PPP6C: variants seen among roughly 807,000 people sequenced by gnomAD.
PPP6C encodes serine/threonine-protein phosphatase 6 catalytic subunit.
In PPP6C, 11 loss-of-function variants were observed where a neutral mutation model predicts 39.8. That is an observed-to-expected ratio of 0.28 (90% CI 0.17 to 0.46). The LOEUF is 0.46. Among genes scored for constraint, PPP6C ranks in the 20% least tolerant of loss-of-function variants. The pLI is 1.00. For missense variants in PPP6C, 211 were observed against 373.9 expected (o/e 0.56, Z 3.59); for synonymous variants, 129 against 130.3 (o/e 0.99, Z 0.07).
chr9:125,182,115 T>C (rs1404916490), intron 1 of PPP6C, among the ~76,000 whole-genome samples: 2 of 152,246 alleles, frequency 1.3e-5, no homozygotes, highest in East Asian at 1.9e-4. Flanking sequence ...AAGGGGTTCA[T>C]AGCCATCATT....
chr9:125,181,035 A>G (rs1829410930), intron 1 of PPP6C, among the ~76,000 whole-genome samples: 1 of 152,148 alleles, frequency 6.6e-6, no homozygotes, highest in Non-Finnish European at 1.5e-5. Flanking sequence ...GGATTTAGAG[A>G]GCTATGTCTC....
intron 1 of PPP6C, among the ~76,000 whole-genome samples, chr9:125,188,184 G>C (rs1314207757): frequency 1.3e-5 from 2 of 151,584 alleles, no homozygotes; most frequent in African/African-American, 4.8e-5. Context: ...AGGAGATCGA[G>C]ACCATCCTGG....
rs1836005655 is a variant in PPP6C, at chr9:125,153,760, C to A, written c.460-18G>T. 3 of 1,608,600 alleles carry A rather than the reference C, an allele frequency of 1.9e-6. No individual in the cohort carries two copies. The stretch of plus-strand genomic sequence containing the variant: ...TCTATTAACTAGCAAAAAAGGATAA[C>A]AAAGAGTTGAACATATAACCTCAGG... On this transcript the variant is annotated intron_variant, in intron 5 of 6. Transcript: ENST00000373547.
At chr9:125,151,270 G>C in intron 6 of PPP6C, 1 of 1,500,072 alleles carries the variant, frequency 6.7e-7, no homozygotes, top group South Asian at 1.1e-5. Flanking sequence ...GAGATGTGAA[G>C]GATCTGGTGG....
At position 125,180,983 on chromosome 9, in the gene PPP6C, C is replaced by A. The variant is rs117619396; in HGVS notation, c.75+8661G>T. ...AGGCACACTAACTAGAGTAAAATTA[C>A]AGCTGCGTCCTACGACTGCCACCTC... On this transcript the variant is annotated intron_variant, in intron 1 of 6. Transcript: ENST00000373547. Among the ~76,000 whole-genome samples, 31 of 152,326 alleles carry A rather than the reference C, an allele frequency of 2.0e-4. 1 individual carries two copies. In the East Asian group the frequency reaches 5.8e-3, roughly 28 times the overall value.
rs531096571 is a variant in PPP6C, at chr9:125,177,620, C to G, written c.76-6440G>C. Among the ~76,000 whole-genome samples the G allele has an allele frequency of 3.3e-5, 5 of 152,298 alleles. No individual in the cohort carries two copies. The South Asian group carries it at 1.0e-3, about 32-fold the overall frequency. Reference sequence around the variant, plus strand: ...GCCCCTCCCCACAGCCTCCCCGCATCAACATCTCACACTTGAGTGGTACGT... The same window carrying G: ...GCCCCTCCCCACAGCCTCCCCGCATGAACATCTCACACTTGAGTGGTACGT... On this transcript the variant is annotated intron_variant, in intron 1 of 6. Transcript: ENST00000373547.
chr9:125,153,024 G>A (rs929687390), intron 6 of PPP6C, among the ~76,000 whole-genome samples: 1 of 151,972 alleles, frequency 6.6e-6, no homozygotes, highest in Non-Finnish European at 1.5e-5. Flanking sequence ...TATAATCCCA[G>A]CACTTTGGGA....
At chr9:125,171,493 A>G (rs1259487345) in intron 1 of PPP6C, among the ~76,000 whole-genome samples, 39 of 131,678 alleles carry the variant, frequency 3.0e-4, no homozygotes, top group African/African-American at 1.2e-3. Context: ...ATATATATAT[A>G]TATATATATA....
intron 6 of PPP6C, among the ~76,000 whole-genome samples, chr9:125,152,847 C>G (rs1253848810): frequency 1.3e-5 from 2 of 150,222 alleles, no homozygotes; most frequent in African/African-American, 2.5e-5. Context: ...AAAAAAGATT[C>G]ATGTTATTGT....
intron 6 of PPP6C, among the ~76,000 whole-genome samples, chr9:125,152,643 C>G (rs1374402429): frequency 2.0e-5 from 3 of 151,942 alleles, no homozygotes; most frequent in Admixed American, 6.6e-5. Context: ...CCAGCCTCAC[C>G]AACATGGTGA....
chr9:125,158,464 T>C lies in PPP6C; in HGVS notation c.238-82A>G, dbSNP rs1278256117. ...AATTATATCAAACTGTACAAACATATAGTTTATAACTACAATAAAGAGTTA... is the reference window on the plus strand; with the variant it reads ...AATTATATCAAACTGTACAAACATACAGTTTATAACTACAATAAAGAGTTA... On this transcript the variant is annotated intron_variant, in intron 3 of 6. Coordinates refer to ENST00000373547, the MANE Select transcript of PPP6C (RefSeq NM_002721.5). 9 of 1,354,964 alleles carry C rather than the reference T, an allele frequency of 6.6e-6. No homozygotes were observed. The East Asian group carries it at 1.7e-4, about 25-fold the overall frequency. 83.9% of individuals were successfully genotyped at this position (1,354,964 alleles called of 1,614,324 possible).
At position 125,153,995 on chromosome 9, in the gene PPP6C, A is replaced by C; in HGVS notation, c.380-10T>G. ...TTGGTTTGGCACTCATCTGTGAAAG[A>C]AACAGAAGGGTTTTAATTAATGAAT... On this transcript the variant is annotated splice_polypyrimidine_tract_variant and intron_variant, in intron 4 of 6. Coordinates refer to ENST00000373547, the MANE Select transcript of PPP6C (RefSeq NM_002721.5). The C allele has an allele frequency of 6.3e-7, 1 of 1,579,818 alleles. No individual in the cohort carries two copies. Among genetic ancestry groups the C allele is most frequent in the Non-Finnish European group, 8.7e-7 (1 of 1,150,048 alleles).
At chr9:125,177,453 T>C (rs1314532366) in intron 1 of PPP6C, among the ~76,000 whole-genome samples, 2 of 151,918 alleles carry the variant, frequency 1.3e-5, no homozygotes, top group African/African-American at 2.4e-5. Flanking sequence ...TCCCACCACT[T>C]AGGGAGGCAA....
At chr9:125,167,274 G>A (rs372310866) in intron 2 of PPP6C, among the ~76,000 whole-genome samples, 42 of 149,216 alleles carry the variant, frequency 2.8e-4, no homozygotes, top group East Asian at 2.4e-3. Context: ...CCAGCTACTC[G>A]GGATGCTGAG....
chr9:125,188,922 C>A, intron 1 of PPP6C: 1 of 1,548,902 alleles, frequency 6.5e-7, no homozygotes. Flanking sequence ...AACTCACCTC[C>A]TTTAGAAAAC....
rs1029384809 is a variant in PPP6C at position 125,165,230 on chromosome 9, A to G, written c.172-4324T>C. ...TCAGAAGTTTTAAATATTTAAATGA[A>G]TTTTTAAAAATTAATAACATAGGCC... On this transcript the variant is annotated intron_variant, in intron 2 of 6. Transcript: ENST00000373547. Among the ~76,000 whole-genome samples, 2 of 152,078 alleles carry G rather than the reference A, an allele frequency of 1.3e-5. 1 individual carries two copies. The highest frequency in any genetic ancestry group is 4.1e-4 in the South Asian group (2 of 4,822).
intron 1 of PPP6C, among the ~76,000 whole-genome samples, chr9:125,187,455 T>C (rs1829554290): frequency 6.6e-6 from 1 of 151,732 alleles, no homozygotes; most frequent in African/African-American, 2.4e-5. Context: ...GGCTAATTTC[T>C]GTGTTTTTAG....
At position 125,172,752 on chromosome 9, in the gene PPP6C, A is replaced by AAC. The variant is rs368777039; in HGVS notation, c.76-1574_76-1573dup. ...ACACACACACACACACACACACACA[A>AAC]ACACACACACACACACACAAACACA... On this transcript the variant is annotated intron_variant, in intron 1 of 6. Transcript: ENST00000373547. Among the ~76,000 whole-genome samples, 135 of 108,342 alleles carry AAC rather than the reference A, an allele frequency of 1.2e-3. 3 individuals carry two copies. The South Asian group carries it at 0.03, about 24-fold the overall frequency. The allele number at this position is 108,342 out of a possible 152,430, so 71.1% of individuals were successfully genotyped here. A position where few individuals can be genotyped will look rare whatever the true frequency, so the allele number is the denominator to read the frequency against.
Position 125,157,498 on chromosome 9 carries a change from G to A in PPP6C, c.379+743C>T, listed in dbSNP as rs374782943. 7.9e-5 allele frequency among the ~76,000 whole-genome samples: 12 copies of A among 152,154 alleles called. No homozygotes were observed. The East Asian group carries it at 2.3e-3, about 29-fold the overall frequency. ...TAACATTAATAAAGTGAAAAAATCAGGTATGTCCCCATTTTAGTGTGCACG... is the reference window on the plus strand; with the variant it reads ...TAACATTAATAAAGTGAAAAAATCAAGTATGTCCCCATTTTAGTGTGCACG... On this transcript the variant is annotated intron_variant, in intron 4 of 6. Coordinates refer to ENST00000373547, the MANE Select transcript of PPP6C (RefSeq NM_002721.5).
Sources: gnomAD v4.1 joint callset for allele counts (sites outside exome capture counted in the v4.1 genomes callset) on GRCh38, gnomAD v4.1.1 for gene constraint, MANE v1.5 for transcripts, NCBI Gene and HGNC (gene_info 2026-07-23, HGNC 2026-07-21) for gene names.